The following ADIPOR1 variants were observed in gnomAD, a reference collection of about 807,000 sequenced individuals.
The protein encoded by ADIPOR1 is adiponectin receptor protein 1.
A neutral mutation model predicts 37.5 loss-of-function variants in ADIPOR1; 15 were observed. The ratio of observed to expected loss-of-function variants is 0.40; its 90% CI spans 0.27 to 0.62. ADIPOR1 has a LOEUF of 0.62. Among genes scored for constraint, ADIPOR1 ranks in the 20% least tolerant of loss-of-function variants. ADIPOR1 has a pLI of 0.42. For synonymous variants in ADIPOR1, 173 were observed against 173.2 expected (o/e 1.00, Z 0.01); for missense variants, 286 against 478.0 (o/e 0.60, Z 3.75).
At chr1:202,950,553 A>C (rs1054702165) in intron 2 of ADIPOR1, among the ~76,000 whole-genome samples, 1 of 152,016 alleles carries the variant, frequency 6.6e-6, no homozygotes, top group Non-Finnish European at 1.5e-5. Context: ...TCAGCCCTGG[A>C]TTGGTTACTT....
chr1:202,954,770 G>C (rs1452325185), intron 1 of ADIPOR1, among the ~76,000 whole-genome samples: 2 of 152,182 alleles, frequency 1.3e-5, no homozygotes, highest in African/African-American at 4.8e-5. Context: ...CCAAACATGG[G>C]GAAAAGATTG....
In ADIPOR1 at chr1:202,943,891, G is replaced by A; in HGVS notation, c.672C>T (p.Leu224=). The A allele has an allele frequency of 6.2e-7, 1 of 1,614,098 alleles. No individual in the cohort carries two copies. Among genetic ancestry groups the A allele is most frequent in the African/African-American group, 1.3e-5 (1 of 75,042 alleles). The change falls in exon 6 of 8, where the codon CTC becomes CTT. Residue 224 remains leucine, a synonymous_variant. Coordinates refer to ENST00000340990, the MANE Select transcript of ADIPOR1 (RefSeq NM_015999.6). ...GTGGGGAGCAGTAGAAGGAATAATAGAGCCAGGGGACAAAGCTCCCCATAA... is the reference window on the plus strand; with the variant it reads ...GTGGGGAGCAGTAGAAGGAATAATAAAGCCAGGGGACAAAGCTCCCCATAA... ...LLIMGSFVPW[L]YYSFYCSPQP...
chr1:202,941,679 T>C lies in ADIPOR1; in HGVS notation c.1022A>G (p.His341Arg). ...DIWFQSHQIF[H>R]VLVVAAAFVH... Reference sequence around the variant, plus strand: ...AAAGGCTGCTGCCACCACCAGGACATGGAAAATCTGATGAGACTGGAACTG... The same window carrying C: ...AAAGGCTGCTGCCACCACCAGGACACGGAAAATCTGATGAGACTGGAACTG... Residue 341 changes from histidine to arginine, a missense_variant, in exon 8 of 8, where the codon CAT becomes CGT. His to Arg is a conservative substitution (Grantham distance 29). Coordinates refer to ENST00000340990, the MANE Select transcript of ADIPOR1 (RefSeq NM_015999.6). The C allele has an allele frequency of 3.1e-6, 5 of 1,613,874 alleles. No individual in the cohort carries two copies. Among genetic ancestry groups the C allele is most frequent in the Non-Finnish European group, 4.2e-6 (5 of 1,179,958 alleles).
At chr1:202,941,951 AC>A in intron 7 of ADIPOR1, 73 bp downstream of exon 7, 3 of 1,470,250 alleles carry the variant, frequency 2.0e-6, no homozygotes, top group Non-Finnish European at 2.8e-6. Flanking sequence ...GTCTCATACC[AC>A]CTTTTCCTCA....
At chr1:202,942,364 G>A (rs1654128044) in intron 6 of ADIPOR1, 146 bp from the exon 7 acceptor site, 1 of 690,654 alleles carries the variant, frequency 1.4e-6, no homozygotes, top group Non-Finnish European at 2.3e-6. Flanking sequence ...GCTACAAGAT[G>A]GATAACACTC....
chr1:202,941,738 G>A, intron 7 of ADIPOR1, 37 bp from the exon 8 acceptor site: 1 of 1,582,926 alleles, frequency 6.3e-7, no homozygotes, highest in Admixed American at 2.0e-5. Context: ...TTAGGATAAT[G>A]CAAGGAGGAA....
chr1:202,945,072 G>T lies in ADIPOR1; in HGVS notation c.528C>A (p.Phe176Leu). The change falls in exon 5 of 8, where the codon TTC (phenylalanine) becomes TTA (leucine). Residue 176 changes from phenylalanine (F) to leucine (L), a missense_variant. By Grantham distance (22) the Phe-to-Leu change is conservative. Transcript: ENST00000340990. ...PLQEKVVFGM[F>L]FLGAVLCLSF... ...TGAGGCAGAGCACTGCACCCAAAAA[G>T]AACATCCCAAAAACCACCTTCTCCT... 1 of 1,614,080 alleles carries T rather than the reference G, an allele frequency of 6.2e-7. No individual in the cohort carries two copies. Among genetic ancestry groups the T allele is most frequent in the Non-Finnish European group, 8.5e-7 (1 of 1,179,998 alleles).
chr1:202,942,107 A>G lies in ADIPOR1; in HGVS notation c.917T>C (p.Met306Thr). Residue 306 changes from methionine to threonine, a missense_variant, in exon 7 of 8, where the codon ATG becomes ACG. Met to Thr is a moderately conservative substitution (Grantham distance 81). Transcript: ENST00000340990. The part of the protein sequence containing the change: ...TVGQMGWFFL[M>T]AVMYITGAGL... ...AGCTCCAGTGATGTACATCACAGCCATGAGGAAGAACCAGCCCATCTGGCC... is the reference window on the plus strand; with the variant it reads ...AGCTCCAGTGATGTACATCACAGCCGTGAGGAAGAACCAGCCCATCTGGCC... 2.5e-6 allele frequency: 4 copies of G among 1,614,210 alleles called. No individual in the cohort carries two copies. Among genetic ancestry groups the G allele is most frequent in the Non-Finnish European group, 3.4e-6 (4 of 1,180,038 alleles).
In ADIPOR1 at chr1:202,949,579, C is replaced by CAAAAAAAA. The variant is rs57643319; in HGVS notation, c.142-1167_142-1160dup. ...CAGGGCGACAGCGAGACTCTGTCTC[C>CAAAAAAAA]AAAAAAAAAAAAAAAAAACACACCC... On this transcript the variant is annotated intron_variant, in intron 2 of 7. Coordinates refer to ENST00000340990, the MANE Select transcript of ADIPOR1 (RefSeq NM_015999.6). Among the ~76,000 whole-genome samples the CAAAAAAAA allele has an allele frequency of 8.8e-4, 87 of 99,034 alleles. 1 individual carries two copies. Among genetic ancestry groups the CAAAAAAAA allele is most frequent in the South Asian group, 1.5e-3 (4 of 2,586 alleles). The allele number at this position is 99,034 out of a possible 152,430, so 65.0% of individuals were successfully genotyped here.
chr1:202,946,434 C>T lies in ADIPOR1; in HGVS notation c.430+5G>A. ...ATTCCACCTTTCCCCATCCAAATCA[C>T]TCACCAAGCAGATGGGTCCAGATGT... On this transcript the variant is annotated splice_donor_5th_base_variant and intron_variant, in intron 4 of 7. Coordinates refer to ENST00000340990, the MANE Select transcript of ADIPOR1 (RefSeq NM_015999.6). 6.2e-7 allele frequency: 1 copy of T among 1,613,916 alleles called. No individual in the cohort carries two copies. The highest frequency in any genetic ancestry group is 8.5e-7 in the Non-Finnish European group (1 of 1,179,996).
In ADIPOR1 at chr1:202,947,716, T is replaced by C. The variant is rs80110094; in HGVS notation, c.258+588A>G. ...ATTCTAAGTTCTTACCACATCTTTTTAGAGTAGGGGTTCTTAATCTAGGAT... is the reference window on the plus strand; with the variant it reads ...ATTCTAAGTTCTTACCACATCTTTTCAGAGTAGGGGTTCTTAATCTAGGAT... On this transcript the variant is annotated intron_variant, in intron 3 of 7. Coordinates refer to ENST00000340990, the MANE Select transcript of ADIPOR1 (RefSeq NM_015999.6). 2.6e-3 allele frequency among the ~76,000 whole-genome samples: 390 copies of C among 152,290 alleles called. 2 individuals carry two copies. The East Asian group carries it at 0.034, about 13-fold the overall frequency.
In ADIPOR1 at chr1:202,958,227, C is replaced by G. The variant is rs1031818512; in HGVS notation, c.-137G>C. 6.6e-6 allele frequency: 1 copy of G among 152,124 alleles called. No homozygotes were observed. Among genetic ancestry groups the G allele is most frequent in the Non-Finnish European group, 1.5e-5 (1 of 68,008 alleles). 9.4% of individuals were successfully genotyped at this position (152,124 alleles called of 1,614,324 possible). A position where few individuals can be genotyped will look rare whatever the true frequency, so the allele number is the denominator to read the frequency against. The stretch of plus-strand genomic sequence containing the variant: ...CTGCTGGGGGCCGCGGTCCCCCGCG[C>G]TACATCCCGCGGCGCTGGAGGCGGC... On this transcript the variant is annotated 5_prime_UTR_variant, in exon 1 of 8. The change abolishes the stop of an existing upstream ORF in the 5' untranslated region. Transcript: ENST00000340990.
intron 1 of ADIPOR1, among the ~76,000 whole-genome samples, chr1:202,953,953 T>C (rs1654680729): frequency 6.6e-6 from 1 of 152,240 alleles, no homozygotes; most frequent in African/African-American, 2.4e-5. Flanking sequence ...CCAAAGATCA[T>C]GTGCAGAATC....
chr1:202,942,292 G>A, intron 6 of ADIPOR1, 74 bp from the exon 7 acceptor site: 1 of 1,383,894 alleles, frequency 7.2e-7, no homozygotes, highest in African/African-American at 1.4e-5. Flanking sequence ...TCTTACTCTG[G>A]AATTTCAATG....
intron 1 of ADIPOR1, among the ~76,000 whole-genome samples, chr1:202,953,875 G>A (rs1654677311): frequency 6.6e-6 from 1 of 152,180 alleles, no homozygotes; most frequent in Non-Finnish European, 1.5e-5. Context: ...AACTTTGAGT[G>A]CTATGTAACT....
rs1161680540 is a variant in ADIPOR1 at position 202,951,054 on chromosome 1, C to G, written c.17G>C (p.Gly6Ala). The G allele has an allele frequency of 6.2e-6, 10 of 1,613,996 alleles. No individual in the cohort carries two copies. The highest frequency in any genetic ancestry group is 8.5e-6 in the Non-Finnish European group (10 of 1,180,018). Residue 6 changes from glycine to alanine, a missense_variant, in exon 2 of 8, where the codon GGA (glycine) becomes GCA (alanine). Coordinates refer to ENST00000340990, the MANE Select transcript of ADIPOR1 (RefSeq NM_015999.6). ...CCCATTCCCCTGTGCCACCACAGAT[C>G]CTTTGTGGGAAGACATCTGGCTGGT... is the stretch of plus-strand genomic sequence containing the variant. Reference protein sequence around the residue: MSSHKGSVVAQGNGAP... With the variant: MSSHKASVVAQGNGAP...
At chr1:202,957,956 C>T (rs1351954101) in intron 1 of ADIPOR1, among the ~76,000 whole-genome samples, 1 of 152,200 alleles carries the variant, frequency 6.6e-6, no homozygotes, top group Non-Finnish European at 1.5e-5. Context: ...GCCCACCGCA[C>T]CTAGGCCGCC....
At chr1:202,951,501 T>C (rs990106486) in intron 1 of ADIPOR1, among the ~76,000 whole-genome samples, 4 of 152,126 alleles carry the variant, frequency 2.6e-5, no homozygotes, top group Non-Finnish European at 4.4e-5. Context: ...GAGAAGAATC[T>C]CATCTATCAC....
intron 3 of ADIPOR1, among the ~76,000 whole-genome samples, chr1:202,947,701 C>T (rs1329366411): frequency 6.6e-6 from 1 of 152,150 alleles, no homozygotes; most frequent in Non-Finnish European, 1.5e-5. Flanking sequence ...ATTCTAAGTT[C>T]TTACCACATC....
Sources: gnomAD v4.1 joint callset for allele counts (sites outside exome capture counted in the v4.1 genomes callset) on GRCh38, gnomAD v4.1.1 for gene constraint, MANE v1.5 for transcripts, NCBI Gene and HGNC (gene_info 2026-07-23, HGNC 2026-07-21) for gene names.